Variants in ZNF438 observed in about 807,000 individuals in gnomAD.
The protein encoded by ZNF438 is zinc finger protein 438.
In ZNF438, 25 loss-of-function variants were observed where a neutral mutation model predicts 38.0. That is an observed-to-expected ratio of 0.66 (90% CI 0.48 to 0.92). ZNF438 has a LOEUF of 0.92. Among genes scored for constraint, ZNF438 ranks in the 40% least tolerant of loss-of-function variants. ZNF438 has a pLI of 0.00. For missense variants in ZNF438, 1,007 were observed against 999.6 expected (o/e 1.01, Z -0.10); for synonymous variants, 372 against 364.1 (o/e 1.02, Z -0.25).
chr10:30,869,662 A>G (rs10763843), intron 4 of ZNF438, among the ~76,000 whole-genome samples: 89,159 of 152,010 alleles, frequency 0.59, 26,411 homozygotes, highest in African/African-American at 0.62. Flanking sequence ...TTATTACATC[A>G]GAAAGTTCCA....
chr10:30,974,556 T>C lies in ZNF438; in HGVS notation c.-191-32905A>G, dbSNP rs537642223. Among the ~76,000 whole-genome samples, 6 of 152,278 alleles carry C rather than the reference T, an allele frequency of 3.9e-5. No homozygotes were observed. In the East Asian group the frequency reaches 7.7e-4, roughly 20 times the overall value. ...ACCAGATTATTTCCATGTGTTACAA[T>C]AGGGACAATCGACTGCAACATGCGT... On this transcript the variant is annotated intron_variant, in intron 1 of 5. Coordinates refer to ENST00000413025, the Ensembl canonical transcript of ZNF438.
At chr10:30,858,507 CAG>C (rs2035059769) in intron 4 of ZNF438, among the ~76,000 whole-genome samples, 1 of 152,204 alleles carries the variant, frequency 6.6e-6, no homozygotes, top group Non-Finnish European at 1.5e-5. Context: ...CAGCAGCAGT[CAG>C]AGTCAACAGG....
intron 2 of ZNF438, among the ~76,000 whole-genome samples, chr10:30,930,211 C>A (rs1283474284): frequency 6.6e-6 from 1 of 152,066 alleles, no homozygotes; most frequent in Non-Finnish European, 1.5e-5. Flanking sequence ...AGGTCCCGAG[C>A]CCTGCCTGGC....
At chr10:30,995,422 A>T (rs1191451214) in intron 1 of ZNF438, among the ~76,000 whole-genome samples, 1 of 152,260 alleles carries the variant, frequency 6.6e-6, no homozygotes, top group African/African-American at 2.4e-5. Context: ...TGTTTTTAAA[A>T]TAAAGGTCAA....
chr10:30,936,058 A>C (rs1398458741), intron 2 of ZNF438, among the ~76,000 whole-genome samples: 1 of 152,196 alleles, frequency 6.6e-6, no homozygotes, highest in African/African-American at 2.4e-5. Flanking sequence ...CACTGATCTT[A>C]CCTCACAAAT....
chr10:30,948,071 C>T (rs190307734), intron 1 of ZNF438, among the ~76,000 whole-genome samples: 1,542 of 152,246 alleles, frequency 0.01, 11 homozygotes, highest in Middle Eastern at 0.041. Context: ...CAGACTGCCT[C>T]CTCAAGTGGG....
intron 4 of ZNF438, among the ~76,000 whole-genome samples, chr10:30,853,001 C>A (rs1343997606): frequency 6.6e-6 from 1 of 151,706 alleles, no homozygotes; most frequent in African/African-American, 2.4e-5. Context: ...CAAAATAAGT[C>A]ATAAATAAAC....
intron 2 of ZNF438, among the ~76,000 whole-genome samples, chr10:30,926,921 G>A (rs937525299): frequency 7.9e-5 from 12 of 152,278 alleles, no homozygotes; most frequent in Admixed American, 7.8e-4. Context: ...AGTTAAGTAG[G>A]TTAATTTTCC....
intron 1 of ZNF438, among the ~76,000 whole-genome samples, chr10:30,975,343 AT>A (rs2136299580): frequency 6.6e-6 from 1 of 152,352 alleles, no homozygotes; most frequent in East Asian, 1.9e-4. Context: ...CACATTCAAG[AT>A]GGGGAAAACA....
At chr10:30,879,985 C>A (rs7076530) in intron 3 of ZNF438, among the ~76,000 whole-genome samples, 58,134 of 151,520 alleles carry the variant, frequency 0.38, 11,430 homozygotes, top group Admixed American at 0.41. Flanking sequence ...CACTGATTCA[C>A]GAGAAACATG....
intron 4 of ZNF438, among the ~76,000 whole-genome samples, chr10:30,876,539 A>G (rs945042063): frequency 5.3e-5 from 8 of 152,208 alleles, no homozygotes; most frequent in Admixed American, 4.6e-4. Context: ...TTTTAAATGG[A>G]TATCAGGGGA....
At chr10:30,990,026 A>C (rs1386993994) in intron 1 of ZNF438, among the ~76,000 whole-genome samples, 1 of 152,206 alleles carries the variant, frequency 6.6e-6, no homozygotes, top group Non-Finnish European at 1.5e-5. Flanking sequence ...AGAGGCTTCC[A>C]TTGGCCAAAG....
intron 4 of ZNF438, among the ~76,000 whole-genome samples, chr10:30,874,112 G>GTATATA (rs2037980293): frequency 2.8e-4 from 10 of 36,056 alleles, no homozygotes; most frequent in Admixed American, 4.6e-4. Context: ...GGGTGTGTGT[G>GTATATA]TGTATATATA....
chr10:31,000,819 G>A (rs900542537), intron 1 of ZNF438, among the ~76,000 whole-genome samples: 1 of 151,362 alleles, frequency 6.6e-6, no homozygotes, highest in Non-Finnish European at 1.5e-5. Flanking sequence ...TATAATCACT[G>A]ATCTCAATTT....
chr10:31,023,472 A>G (rs1773917693), intron 1 of ZNF438, among the ~76,000 whole-genome samples: 1 of 152,240 alleles, frequency 6.6e-6, no homozygotes, highest in Admixed American at 6.5e-5. Context: ...TTCCAAATAT[A>G]TTGTCCTGAA....
At chr10:30,883,355 AT>A (rs1227840363) in intron 3 of ZNF438, among the ~76,000 whole-genome samples, 3 of 152,110 alleles carry the variant, frequency 2.0e-5, no homozygotes, top group Non-Finnish European at 4.4e-5. Context: ...TTCCTTCCAC[AT>A]GCAGGAATTT....
chr10:30,915,191 T>G (rs1389619), intron 2 of ZNF438, among the ~76,000 whole-genome samples: 4 of 152,074 alleles, frequency 2.6e-5, no homozygotes, highest in African/African-American at 9.7e-5. Context: ...TTGTGCCCTA[T>G]GAAGTTTAAG....
chr10:31,016,234 T>C (rs1375544256), intron 1 of ZNF438, among the ~76,000 whole-genome samples: 1 of 150,694 alleles, frequency 6.6e-6, no homozygotes, highest in Non-Finnish European at 1.5e-5. Context: ...AAACATAGCA[T>C]AATTATAACA....
chr10:30,994,741 A>T (rs900670054), intron 1 of ZNF438, among the ~76,000 whole-genome samples: 2 of 152,206 alleles, frequency 1.3e-5, no homozygotes, highest in African/African-American at 2.4e-5. Context: ...TACTTAAAGA[A>T]ATAATGAGGC....
Sources: allele counts gnomAD v4.1 joint callset (sites outside exome capture counted in the v4.1 genomes callset), GRCh38; gene constraint gnomAD v4.1.1; transcripts MANE v1.5; gene names NCBI Gene and HGNC (gene_info 2026-07-23, HGNC 2026-07-21).